Variants in ATF7IP observed in about 807,000 individuals in gnomAD.
The protein encoded by ATF7IP is activating transcription factor 7-interacting protein 1.
Under a neutral mutation model 106.4 loss-of-function variants are expected in ATF7IP, and 23 were observed. The ratio of observed to expected loss-of-function variants is 0.22; its 90% CI spans 0.16 to 0.31. ATF7IP has a LOEUF of 0.31. ATF7IP is among the 10% of genes least tolerant of loss of function. The pLI is 1.00. For missense variants in ATF7IP, 1,334 were observed against 1,524.3 expected (o/e 0.88, Z 2.08); for synonymous variants, 542 against 539.0 (o/e 1.01, Z -0.08).
chr12:14,429,249 A>G (rs921041585), intron 2 of ATF7IP, among the ~76,000 whole-genome samples: 4 of 152,090 alleles, frequency 2.6e-5, no homozygotes, highest in Admixed American at 6.5e-5. Context: ...TCTTTGTCTT[A>G]TCTATTCTTC....
chr12:14,467,001 C>G (rs1300844517), intron 10 of ATF7IP, among the ~76,000 whole-genome samples: 1 of 152,026 alleles, frequency 6.6e-6, no homozygotes, highest in Non-Finnish European at 1.5e-5. Flanking sequence ...TTTAATTTCC[C>G]CAAAGGTAAT....
intron 1 of ATF7IP, among the ~76,000 whole-genome samples, chr12:14,404,321 T>A (rs1395272885): frequency 6.6e-6 from 1 of 152,182 alleles, no homozygotes; most frequent in East Asian, 1.9e-4. Flanking sequence ...TAGATTATGT[T>A]CTTGTACTTT....
chr12:14,405,365 A>G (rs1235312447), intron 1 of ATF7IP, among the ~76,000 whole-genome samples: 2 of 149,718 alleles, frequency 1.3e-5, no homozygotes, highest in Non-Finnish European at 3.0e-5. Context: ...AATTTCCTCC[A>G]TAATATGGAA....
chr12:14,384,906 C>CTTT (rs372885591), intron 1 of ATF7IP, among the ~76,000 whole-genome samples: 1 of 133,366 alleles, frequency 7.5e-6, no homozygotes, highest in Non-Finnish European at 1.6e-5. Context: ...CAAGGTTTAA[C>CTTT]TTTTTTTTTT....
chr12:14,401,420 C>T (rs1178250556), intron 1 of ATF7IP, among the ~76,000 whole-genome samples: 2 of 152,226 alleles, frequency 1.3e-5, no homozygotes, highest in Admixed American at 6.5e-5. Context: ...AGGTCTTAAA[C>T]TCCTGAGCTC....
chr12:14,424,657 G>A lies in ATF7IP; in HGVS notation c.742G>A (p.Asp248Asn). The stretch of plus-strand genomic sequence containing the variant: ...GGCTTCTGGAGCACCAGCTTCCACT[G>A]ATCCAGCCTCTGATGATCTGGCCTC... ...DLASGAPAST[D>N]PASDDLASGD... Residue 248 changes from aspartate (D) to asparagine (N), a missense_variant, in exon 2 of 15, where the codon GAT becomes AAT. Physicochemically the swap from Asp to Asn is conservative, Grantham distance 23 (BLOSUM62 1). Coordinates refer to ENST00000261168, the MANE Select transcript of ATF7IP (RefSeq NM_018179.5). 6.2e-7 allele frequency: 1 copy of A among 1,614,142 alleles called. No individual in the cohort carries two copies. The highest frequency in any genetic ancestry group is 8.5e-7 in the Non-Finnish European group (1 of 1,180,026).
rs1175834596 is a variant in ATF7IP at position 14,475,871 on chromosome 12, T to G, written c.2863-19T>G. 1.3e-6 allele frequency: 2 copies of G among 1,596,194 alleles called. No individual in the cohort carries two copies. Among genetic ancestry groups the G allele is most frequent in the Non-Finnish European group, 1.7e-6 (2 of 1,172,094 alleles). The stretch of plus-strand genomic sequence containing the variant: ...CTGCCAGAGTTTTCTTTGTAAAATG[T>G]AGAAGTTTTGTTTTTCAGTGTGGAA... On this transcript the variant is annotated intron_variant, in intron 10 of 14. Coordinates refer to ENST00000261168, the MANE Select transcript of ATF7IP (RefSeq NM_018179.5).
intron 1 of ATF7IP, among the ~76,000 whole-genome samples, chr12:14,423,426 T>C (rs1941639715): frequency 6.6e-6 from 1 of 152,038 alleles, no homozygotes; most frequent in South Asian, 2.1e-4. Context: ...ATGTTTATAG[T>C]TCTGCCAATC....
chr12:14,387,166 C>T (rs1939282818), intron 1 of ATF7IP, among the ~76,000 whole-genome samples: 1 of 152,014 alleles, frequency 6.6e-6, no homozygotes, highest in African/African-American at 2.4e-5. Context: ...ATAATTTGAA[C>T]ACTAATTTAT....
intron 2 of ATF7IP, among the ~76,000 whole-genome samples, chr12:14,425,756 G>C (rs1326267309): frequency 1.3e-5 from 2 of 152,158 alleles, no homozygotes; most frequent in African/African-American, 4.8e-5. Context: ...TGAGATAACA[G>C]TTTAAGTTAG....
intron 1 of ATF7IP, among the ~76,000 whole-genome samples, chr12:14,379,896 AT>A (rs1193226283): frequency 3.3e-5 from 5 of 150,686 alleles, no homozygotes; most frequent in Non-Finnish European, 7.4e-5. Context: ...TCTGTTTATT[AT>A]GGTCTGCTGG....
Position 14,460,851 on chromosome 12 carries a change from C to T in ATF7IP, c.2515C>T (p.Pro839Ser), listed in dbSNP as rs756304943. 8.1e-6 allele frequency: 13 copies of T among 1,614,172 alleles called. No homozygotes were observed. Among genetic ancestry groups the T allele is most frequent in the Non-Finnish European group, 1.1e-5 (13 of 1,180,026 alleles). Residue 839 changes from proline to serine, a missense_variant, in exon 9 of 15, where the codon CCA becomes TCA. By Grantham distance (74) the Pro-to-Ser change is moderately conservative. This residue lies in a region of ATF7IP where 370 missense variants were observed against 401.2 expected (regional missense o/e 0.92). Transcript: ENST00000261168. ...AAATCCAGTATCCTTGCCATCCTTG[C>T]CAAATCCCACTAAACCAAACAACGT... ...TKNPVSLPSL[P>S]NPTKPNNVPS...
intron 5 of ATF7IP, among the ~76,000 whole-genome samples, chr12:14,443,816 T>C (rs535200920): frequency 3.5e-4 from 54 of 152,266 alleles, no homozygotes; most frequent in Non-Finnish European, 7.6e-4. Flanking sequence ...GAAGGAAATA[T>C]AGCAACTACC....
Position 14,383,503 on chromosome 12 carries a change from A to G in ATF7IP, c.-8+17676A>G, listed in dbSNP as rs114688512. ...AAACATAGATTCCAGTGCTACAGTA[A>G]TATCAATTCTGTTCCAGCCTTTCTC... On this transcript the variant is annotated intron_variant, in intron 1 of 14. Coordinates refer to ENST00000261168, the MANE Select transcript of ATF7IP (RefSeq NM_018179.5). Among the ~76,000 whole-genome samples the G allele has an allele frequency of 7.2e-3, 1,089 of 152,250 alleles. 8 individuals are homozygous for G. The highest frequency in any genetic ancestry group is 0.015 in the East Asian group (77 of 5,180).
At chr12:14,392,404 T>C (rs1939608729) in intron 1 of ATF7IP, among the ~76,000 whole-genome samples, 1 of 152,182 alleles carries the variant, frequency 6.6e-6, no homozygotes, top group South Asian at 2.1e-4. Context: ...AAGTGAAGAC[T>C]TTGAAGAGTC....
rs1392985234 is a variant in ATF7IP at position 14,436,397 on chromosome 12, A to C, written c.1791+146A>C. The C allele has an allele frequency of 3.7e-6, 3 of 816,624 alleles. No individual in the cohort carries two copies. The Admixed American group carries it at 8.5e-5, about 23-fold the overall frequency. The allele number at this position is 816,624 out of a possible 1,614,324, so 50.6% of individuals were successfully genotyped here. A position where few individuals can be genotyped will look rare whatever the true frequency, so the allele number is the denominator to read the frequency against. On this transcript the variant is annotated intron_variant, in intron 4 of 14. Coordinates refer to ENST00000261168, the MANE Select transcript of ATF7IP (RefSeq NM_018179.5). ...ACTTGAAGAAAGTGGTTGAGCTTTT[A>C]AAGTCTATTACTGGCCAGATGTGGT...
At chr12:14,487,630 G>T (rs1285743058) in intron 13 of ATF7IP, among the ~76,000 whole-genome samples, 3 of 152,138 alleles carry the variant, frequency 2.0e-5, no homozygotes, top group Non-Finnish European at 4.4e-5. Context: ...GGTGAGTCTG[G>T]TACATGCCTC....
At chr12:14,402,485 C>A (rs755196655) in intron 1 of ATF7IP, among the ~76,000 whole-genome samples, 1 of 151,686 alleles carries the variant, frequency 6.6e-6, no homozygotes, top group Non-Finnish European at 1.5e-5. Flanking sequence ...GACAATACTT[C>A]TAATAAATTT....
chr12:14,418,871 A>C (rs1302269186), intron 1 of ATF7IP, among the ~76,000 whole-genome samples: 1 of 152,092 alleles, frequency 6.6e-6, no homozygotes, highest in Non-Finnish European at 1.5e-5. Flanking sequence ...GATAAAATCA[A>C]CTTTTCTTGA....
Sources: gnomAD v4.1 joint callset for allele counts (sites outside exome capture counted in the v4.1 genomes callset) on GRCh38, gnomAD v4.1.1 for gene constraint, gnomAD v4.1.1 regional missense constraint, MANE v1.5 for transcripts, NCBI Gene and HGNC (gene_info 2026-07-23, HGNC 2026-07-21) for gene names.